The following PPP1R9A variants were observed in gnomAD, a reference collection of about 807,000 sequenced individuals.
The protein encoded by PPP1R9A is protein phosphatase 1 regulatory subunit 9A.
In PPP1R9A, 59 loss-of-function variants were observed where a neutral mutation model predicts 141.9. The ratio of observed to expected loss-of-function variants is 0.42; its 90% CI spans 0.34 to 0.52. The LOEUF (loss-of-function observed/expected upper bound fraction) is 0.52, where lower values mean the gene tolerates loss of function less well. Among genes scored for constraint, PPP1R9A ranks in the 20% least tolerant of loss-of-function variants. The pLI, the probability that PPP1R9A is intolerant of heterozygous loss-of-function variation, is 0.10. For synonymous variants in PPP1R9A, 500 were observed against 569.7 expected (o/e 0.88, Z 1.74); for missense variants, 1,444 against 1,611.9 (o/e 0.90, Z 1.78).
chr7:95,220,323 T>C (rs1471458265), intron 7 of PPP1R9A, among the ~76,000 whole-genome samples: 4 of 152,096 alleles, frequency 2.6e-5, no homozygotes, highest in Middle Eastern at 3.2e-3. Context: ...TGAAAATACA[T>C]AGCACCAAAT....
At chr7:95,222,878 AC>A (rs755311215) in intron 7 of PPP1R9A, among the ~76,000 whole-genome samples, 1 of 152,058 alleles carries the variant, frequency 6.6e-6, no homozygotes, top group African/African-American at 2.4e-5. Flanking sequence ...CAGTGTAACC[AC>A]AAAAATAATT....
intron 2 of PPP1R9A, among the ~76,000 whole-genome samples, chr7:94,918,218 G>C (rs1792333485): frequency 6.6e-6 from 1 of 151,976 alleles, no homozygotes; most frequent in African/African-American, 2.4e-5. Flanking sequence ...GTTTTCTCCT[G>C]GTTCTCATCT....
At chr7:95,078,227 G>A (rs1328942017) in intron 2 of PPP1R9A, among the ~76,000 whole-genome samples, 12 of 148,816 alleles carry the variant, frequency 8.1e-5, no homozygotes, top group South Asian at 4.3e-4. Context: ...GAGAATATGC[G>A]GTGTTTGGTT....
At chr7:95,097,313 A>G (rs1032106243) in intron 2 of PPP1R9A, among the ~76,000 whole-genome samples, 9 of 152,180 alleles carry the variant, frequency 5.9e-5, no homozygotes, top group African/African-American at 2.2e-4. Flanking sequence ...GGTGTGAGCC[A>G]CCGTGTCTAG....
chr7:94,999,442 C>T (rs1004238128), intron 2 of PPP1R9A, among the ~76,000 whole-genome samples: 2 of 152,190 alleles, frequency 1.3e-5, no homozygotes, highest in Non-Finnish European at 2.9e-5. Flanking sequence ...CTTCAGTCTA[C>T]TGGTTATAGC....
intron 2 of PPP1R9A, among the ~76,000 whole-genome samples, chr7:95,063,806 G>A (rs1296094302): frequency 6.6e-6 from 1 of 152,104 alleles, no homozygotes; most frequent in African/African-American, 2.4e-5. Context: ...ATGTAGTTGA[G>A]TCTGAGACGT....
rs377514427 is a variant in PPP1R9A at position 94,997,074 on chromosome 7, G to T, written c.1395+85566G>T. Among the ~76,000 whole-genome samples, 554 of 152,142 alleles carry T rather than the reference G, an allele frequency of 3.6e-3. 3 individuals are homozygous for T. Among genetic ancestry groups the T allele is most frequent in the African/African-American group, 0.013 (519 of 41,510 alleles). ...CTGCCTCGGCCTCCCAAAGTGTTGG[G>T]ATTACAGGCGTGAGCCACCACACCT... On this transcript the variant is annotated intron_variant, in intron 2 of 19. Coordinates refer to ENST00000433360, the MANE Select transcript of PPP1R9A (RefSeq NM_001166160.2).
At chr7:95,235,514 A>G (rs1796561901) in intron 8 of PPP1R9A, among the ~76,000 whole-genome samples, 1 of 152,186 alleles carries the variant, frequency 6.6e-6, no homozygotes, top group Non-Finnish European at 1.5e-5. Flanking sequence ...AAAAAATCAA[A>G]AAATAACTGA....
chr7:94,939,683 T>A (rs1014010109), intron 2 of PPP1R9A, among the ~76,000 whole-genome samples: 1 of 151,800 alleles, frequency 6.6e-6, no homozygotes, highest in African/African-American at 2.4e-5. Flanking sequence ...TACTTAGCAC[T>A]TAGTGACTTA....
At chr7:94,992,415 G>T (rs1801630278) in intron 2 of PPP1R9A, among the ~76,000 whole-genome samples, 1 of 151,898 alleles carries the variant, frequency 6.6e-6, no homozygotes, top group Admixed American at 6.6e-5. Context: ...TTCAGTTTTG[G>T]GTATTACAAA....
chr7:95,076,453 C>T (rs1814876514), intron 2 of PPP1R9A, among the ~76,000 whole-genome samples: 2 of 151,972 alleles, frequency 1.3e-5, no homozygotes, highest in Admixed American at 6.6e-5. Context: ...TCTCATAAAC[C>T]AAAGTTTTAT....
In PPP1R9A at chr7:95,290,200, A is replaced by C; in HGVS notation, c.4022A>C (p.Gln1341Pro). ...AAGGCCCAAGAGAAAATGGAAAAAC[A>C]AAGAGAAAAGCTAAGGAGAAAGGAG... ...ARKAQEKMEKQREKLRRKEQE... is the reference protein window; with the variant it reads ...ARKAQEKMEKPREKLRRKEQE... The change falls in exon 20 of 20, where the codon CAA (glutamine) becomes CCA (proline). Residue 1341 changes from glutamine to proline, a missense_variant. By Grantham distance (76) the Gln-to-Pro change is moderately conservative (BLOSUM62 -1). This residue lies in a region of PPP1R9A where 459 missense variants were observed against 513.8 expected (regional missense o/e 0.89). Coordinates refer to ENST00000433360, the MANE Select transcript of PPP1R9A (RefSeq NM_001166160.2). The C allele has an allele frequency of 2.5e-6, 4 of 1,613,922 alleles. No individual in the cohort carries two copies. Among genetic ancestry groups the C allele is most frequent in the Non-Finnish European group, 3.4e-6 (4 of 1,179,942 alleles).
intron 2 of PPP1R9A, among the ~76,000 whole-genome samples, chr7:94,977,619 T>C (rs1175439223): frequency 6.6e-6 from 1 of 152,088 alleles, no homozygotes; most frequent in Non-Finnish European, 1.5e-5. Context: ...GTCAGACTGT[T>C]TATCAATCTG....
intron 2 of PPP1R9A, among the ~76,000 whole-genome samples, chr7:94,939,215 A>C (rs748377231): frequency 1.3e-5 from 2 of 152,166 alleles, no homozygotes; most frequent in Non-Finnish European, 2.9e-5. Flanking sequence ...AAAAGGGATA[A>C]TAATACTTTT....
chr7:95,139,282 T>C (rs763376966), intron 4 of PPP1R9A, among the ~76,000 whole-genome samples: 10 of 152,072 alleles, frequency 6.6e-5, no homozygotes, highest in Middle Eastern at 3.4e-3. Flanking sequence ...GGAAGCCCTA[T>C]ACTTATAAAA....
chr7:94,998,871 C>G (rs935756815), intron 2 of PPP1R9A, among the ~76,000 whole-genome samples: 2 of 152,084 alleles, frequency 1.3e-5, no homozygotes, highest in Non-Finnish European at 2.9e-5. Context: ...TCAAGTGGTC[C>G]TTCCATCTCA....
At chr7:95,157,170 G>T (rs948071344) in intron 4 of PPP1R9A, among the ~76,000 whole-genome samples, 1 of 152,188 alleles carries the variant, frequency 6.6e-6, no homozygotes, top group Non-Finnish European at 1.5e-5. Context: ...CAAGATGGGA[G>T]CAGGTGCCCA....
Position 95,052,042 on chromosome 7 carries a change from G to A in PPP1R9A, c.1396-59217G>A, listed in dbSNP as rs370979110. 4.4e-4 allele frequency among the ~76,000 whole-genome samples: 67 copies of A among 152,048 alleles called. No individual in the cohort carries two copies. The South Asian group carries it at 0.012, about 27-fold the overall frequency. ...TTTAGTAGAGATGGGGTTTCGCCGA[G>A]TTGGCCAGGTTGGTCTTAAACTCCT... On this transcript the variant is annotated intron_variant, in intron 2 of 19. Coordinates refer to ENST00000433360, the MANE Select transcript of PPP1R9A (RefSeq NM_001166160.2).
chr7:94,924,564 T>G (rs1398634067), intron 2 of PPP1R9A, among the ~76,000 whole-genome samples: 2 of 152,220 alleles, frequency 1.3e-5, no homozygotes, highest in African/African-American at 2.4e-5. Context: ...AGTCTTGCTC[T>G]GTTGCCCAGG....
Sources: gnomAD v4.1 joint callset for allele counts (sites outside exome capture counted in the v4.1 genomes callset) on GRCh38, gnomAD v4.1.1 for gene constraint, gnomAD v4.1.1 regional missense constraint, MANE v1.5 for transcripts, NCBI Gene and HGNC (gene_info 2026-07-23, HGNC 2026-07-21) for gene names.